Variants in USP30 observed in about 807,000 individuals in gnomAD.
USP30 encodes ubiquitin carboxyl-terminal hydrolase 30.
Under a neutral mutation model 68.2 loss-of-function variants are expected in USP30, and 41 were observed. That is an observed-to-expected ratio of 0.60 (90% CI 0.47 to 0.78). The LOEUF is 0.78. USP30 is among the 30% of genes least tolerant of loss of function. The probability of loss-of-function intolerance (pLI) is 0.00; values close to 1 mark genes in which losing one functional copy is unlikely to be tolerated. For missense variants in USP30, 522 were observed against 649.4 expected, an observed-to-expected ratio of 0.80 and a Z score of 2.13; for synonymous variants, 229 against 253.7, an observed-to-expected ratio of 0.90 and a Z score of 0.93.
intron 3 of USP30, among the ~76,000 whole-genome samples, chr12:109,061,310 G>A (rs139925498): frequency 1.3e-5 from 2 of 151,732 alleles, no homozygotes; most frequent in African/African-American, 4.8e-5. Flanking sequence ...CCAGTGCTGG[G>A]AGCCAGAGCC....
chr12:109,061,572 C>G (rs2041068466), intron 3 of USP30, among the ~76,000 whole-genome samples: 1 of 151,868 alleles, frequency 6.6e-6, no homozygotes, highest in South Asian at 2.1e-4. Flanking sequence ...CCAGGCCTGG[C>G]TAATTTTTTG....
chr12:109,071,774 G>A, intron 5 of USP30, 64 bp downstream of exon 5: 1 of 1,413,070 alleles, frequency 7.1e-7, no homozygotes, highest in Non-Finnish European at 9.8e-7. Context: ...GTATAGGGGA[G>A]GCAAGTGTAA....
chr12:109,065,556 G>A (rs993671964), intron 3 of USP30, among the ~76,000 whole-genome samples: 2 of 152,214 alleles, frequency 1.3e-5, no homozygotes, highest in Non-Finnish European at 2.9e-5. Flanking sequence ...TGACAAAAAC[G>A]GAGGTACTGA....
chr12:109,057,646 G>A (rs1219787535), intron 2 of USP30, among the ~76,000 whole-genome samples: 3 of 152,206 alleles, frequency 2.0e-5, no homozygotes, highest in African/African-American at 7.2e-5. Context: ...AAGTGTTTTT[G>A]TACATTTAGG....
chr12:109,046,348 C>T (rs776925711), intron 3 of USP30, among the ~76,000 whole-genome samples: 50 of 151,306 alleles, frequency 3.3e-4, no homozygotes, highest in African/African-American at 1.0e-3. Flanking sequence ...CTCCTGACCT[C>T]GTGATCTGCC....
chr12:109,060,890 C>T (rs1409912316), intron 3 of USP30, among the ~76,000 whole-genome samples: 1 of 152,126 alleles, frequency 6.6e-6, no homozygotes, highest in Non-Finnish European at 1.5e-5. Flanking sequence ...AAGTGGTGCA[C>T]CTGCCTTGGC....
At chr12:109,043,915 A>G (rs567240097) in intron 3 of USP30, among the ~76,000 whole-genome samples, 1 of 152,354 alleles carries the variant, frequency 6.6e-6, no homozygotes, top group South Asian at 2.1e-4. Context: ...ATTTGTATAT[A>G]CCCATGTTCA....
Position 109,085,709 on chromosome 12 carries a change from C to T in USP30, c.1332C>T (p.His444=), listed in dbSNP as rs200472021. The change falls in exon 13 of 13, where the codon CAC becomes CAT. Residue 444 remains histidine, a synonymous_variant. Transcript: ENST00000257548. ...TCCGGCTGATGGCAGTTGTCGTCCA[C>T]CATGGAGACATGCACTCTGGACACT... ...YLFRLMAVVV[H]HGDMHSGHFV... is the part of the protein sequence containing the mutation. 8.7e-6 allele frequency: 14 copies of T among 1,614,244 alleles called. No homozygotes were observed. In the East Asian group the frequency reaches 3.1e-4, roughly 36 times the overall value.
At chr12:109,080,684 T>A (rs954981595) in intron 7 of USP30, among the ~76,000 whole-genome samples, 2 of 152,248 alleles carry the variant, frequency 1.3e-5, no homozygotes, top group African/African-American at 2.4e-5. Context: ...ATGTGCTATA[T>A]AATGATGTTT....
chr12:109,086,145 G>GT lies in USP30; in HGVS notation c.*216dup. The GT allele has an allele frequency of 1.7e-6, 1 of 585,904 alleles. No homozygotes were observed. The highest frequency in any genetic ancestry group is 2.9e-6 in the Non-Finnish European group (1 of 347,840). 36.3% of individuals were successfully genotyped at this position (585,904 alleles called of 1,614,324 possible). A position where few individuals can be genotyped will look rare whatever the true frequency, so the allele number is the denominator to read the frequency against. On this transcript the variant is annotated 3_prime_UTR_variant, in exon 13 of 13. Coordinates refer to ENST00000257548, the MANE Select transcript of USP30 (RefSeq NM_032663.5). ...TCATGTGTGTAGGTGGTTCTGTTGT[G>GT]TTAAGAAAGCATTCATTATGTCCGG...
intron 7 of USP30, among the ~76,000 whole-genome samples, chr12:109,075,815 C>T (rs1347445693): frequency 6.7e-6 from 1 of 148,936 alleles, no homozygotes; most frequent in Non-Finnish European, 1.5e-5. Flanking sequence ...AGCTCCTTTG[C>T]CCATTTTTTA....
intron 7 of USP30, 49 bp from the exon 8 acceptor site, chr12:109,081,285 T>C: frequency 6.3e-7 from 1 of 1,598,542 alleles, no homozygotes; most frequent in Non-Finnish European, 8.6e-7. Flanking sequence ...CTTTAAAACT[T>C]TGAACTAAGC....
chr12:109,068,085 G>A (rs1042852026), intron 4 of USP30, among the ~76,000 whole-genome samples: 4 of 152,156 alleles, frequency 2.6e-5, no homozygotes, highest in Admixed American at 1.3e-4. Flanking sequence ...TTTCAAGGCC[G>A]TATTCAGTCA....
At chr12:109,068,413 G>A (rs771525400) in intron 4 of USP30, among the ~76,000 whole-genome samples, 1 of 152,172 alleles carries the variant, frequency 6.6e-6, no homozygotes, top group Non-Finnish European at 1.5e-5. Context: ...AAAGGGAGCT[G>A]GGGAGGCTTT....
intron 3 of USP30, among the ~76,000 whole-genome samples, chr12:109,044,504 G>T (rs1291717824): frequency 1.3e-5 from 2 of 151,798 alleles, no homozygotes; most frequent in African/African-American, 4.8e-5. Flanking sequence ...AGGCACAAAG[G>T]CTCGTGTCTG....
chr12:109,071,598 T>C lies in USP30; in HGVS notation c.481-14T>C. 1 of 1,612,706 alleles carries C rather than the reference T, an allele frequency of 6.2e-7. No homozygotes were observed. Among genetic ancestry groups the C allele is most frequent in the East Asian group, 2.2e-5 (1 of 44,870 alleles). The stretch of plus-strand genomic sequence containing the variant: ...TCTTCCAACCTCTCTAAAGAATGCT[T>C]TGCCCTATGACAGGATGCTCACGAA... On this transcript the variant is annotated splice_polypyrimidine_tract_variant and intron_variant, in intron 4 of 12. Transcript: ENST00000257548.
chr12:109,041,794 T>A (rs2040567168), intron 3 of USP30, among the ~76,000 whole-genome samples: 1 of 152,134 alleles, frequency 6.6e-6, no homozygotes, highest in African/African-American at 2.4e-5. Flanking sequence ...AACTGTGAGT[T>A]TACTATTGTG....
At chr12:109,025,285 T>C (rs1593216468) in intron 2 of USP30, among the ~76,000 whole-genome samples, 1 of 152,254 alleles carries the variant, frequency 6.6e-6, no homozygotes, top group Middle Eastern at 3.4e-3. Flanking sequence ...CCAATTCCCC[T>C]GATAAATCCC....
At chr12:109,059,710 G>T (rs867135391) in intron 3 of USP30, among the ~76,000 whole-genome samples, 25 of 151,668 alleles carry the variant, frequency 1.6e-4, no homozygotes, top group South Asian at 1.5e-3. Flanking sequence ...GACAGTGTTC[G>T]CCATGTTAGC....
Sources: gnomAD v4.1 joint callset for allele counts (sites outside exome capture counted in the v4.1 genomes callset) on GRCh38, gnomAD v4.1.1 for gene constraint, MANE v1.5 for transcripts, NCBI Gene and HGNC (gene_info 2026-07-23, HGNC 2026-07-21) for gene names.